DKK2: variants seen among roughly 807,000 people sequenced by gnomAD.
DKK2 encodes dickkopf Wnt signaling pathway inhibitor 2, also known as dickkopf-related protein 2.
In DKK2, 11 loss-of-function variants were observed where a neutral mutation model predicts 28.1. That is an observed-to-expected ratio of 0.39 (90% confidence interval 0.25 to 0.65). The LOEUF (loss-of-function observed/expected upper bound fraction) is 0.65. Ranked by LOEUF, DKK2 falls within the 30% of genes least tolerant of loss-of-function variation. The pLI is 0.47. For missense variants in DKK2, 326 were observed against 335.5 expected, an observed-to-expected ratio of 0.97 and a Z score of 0.22; for synonymous variants, 135 against 126.5, an observed-to-expected ratio of 1.07 and a Z score of -0.45.
At chr4:106,944,063 C>T (rs1724741503) in intron 1 of DKK2, among the ~76,000 whole-genome samples, 1 of 151,978 alleles carries the variant, frequency 6.6e-6, no homozygotes, top group African/African-American at 2.4e-5. Flanking sequence ...TGCAAAGGAT[C>T]AAGAATATAT....
At chr4:106,924,297 A>G in intron 3 of DKK2, 93 bp from the exon 4 acceptor site, 1 of 1,477,958 alleles carries the variant, frequency 6.8e-7, no homozygotes. Flanking sequence ...ATTTTTACTT[A>G]TACTATCTTC....
chr4:107,034,230 A>G (rs988965296), intron 1 of DKK2, among the ~76,000 whole-genome samples: 1 of 152,100 alleles, frequency 6.6e-6, no homozygotes, highest in African/African-American at 2.4e-5. Context: ...GGCGGAGGAC[A>G]CCGAGAGCGC....
Position 106,924,564 on chromosome 4 carries a change from A to T in DKK2, c.510T>A (p.Thr170=), listed in dbSNP as rs1724398565. ...CCCTACCTTTTATATGTGACATCTTAGTGTGTGGTCTTCCTAGATTCTGCC... is the reference window on the plus strand; with the variant it reads ...CCCTACCTTTTATATGTGACATCTTTGTGTGTGGTCTTCCTAGATTCTGCC... ...LGWQNLGRPH[T]KMSHIKGHEG... The change falls in exon 3 of 4, where the codon ACT becomes ACA. Residue 170 remains threonine, a synonymous_variant. Coordinates refer to ENST00000285311, the MANE Select transcript of DKK2 (RefSeq NM_014421.3). 6.2e-7 allele frequency: 1 copy of T among 1,613,604 alleles called. No homozygotes were observed.
intron 1 of DKK2, among the ~76,000 whole-genome samples, chr4:106,964,902 T>G (rs1405241856): frequency 6.6e-6 from 1 of 151,554 alleles, no homozygotes; most frequent in African/African-American, 2.4e-5. Flanking sequence ...AACAACATGA[T>G]AGATGATAGA....
intron 1 of DKK2, among the ~76,000 whole-genome samples, chr4:107,002,303 A>G (rs1723371158): frequency 6.6e-6 from 1 of 152,208 alleles, no homozygotes; most frequent in South Asian, 2.1e-4. Context: ...AACTCTAAGT[A>G]TTGATGATGT....
At chr4:106,983,325 A>G (rs368009419) in intron 1 of DKK2, among the ~76,000 whole-genome samples, 2 of 105,592 alleles carry the variant, frequency 1.9e-5, no homozygotes, top group African/African-American at 7.5e-5. Context: ...AAGAAGAAAG[A>G]AAGGAAGAAA....
chr4:106,968,731 C>G (rs1181820792), intron 1 of DKK2, among the ~76,000 whole-genome samples: 4 of 152,064 alleles, frequency 2.6e-5, no homozygotes, highest in African/African-American at 9.7e-5. Context: ...GCGTTCTGGA[C>G]AGTTTGGTTT....
At chr4:107,010,249 T>C (rs1723497952) in intron 1 of DKK2, among the ~76,000 whole-genome samples, 1 of 151,910 alleles carries the variant, frequency 6.6e-6, no homozygotes, top group East Asian at 1.9e-4. Context: ...AACTTAAAAC[T>C]ATAAAGTGTC....
intron 1 of DKK2, 58 bp from the exon 2 acceptor site, chr4:106,926,007 A>C (rs1724419787): frequency 6.6e-7 from 1 of 1,519,286 alleles, no homozygotes; most frequent in Non-Finnish European, 8.9e-7. Flanking sequence ...TCACTTATGA[A>C]ACATTACTAT....
intron 1 of DKK2, among the ~76,000 whole-genome samples, chr4:106,982,155 ATTATTTCGT>A (rs975525184): frequency 6.6e-6 from 1 of 152,174 alleles, no homozygotes; most frequent in Non-Finnish European, 1.5e-5. Flanking sequence ...CCACTCTGTG[ATTATTTCGT>A]TTATTTCGTT....
chr4:106,954,526 C>G (rs1398013972), intron 1 of DKK2, among the ~76,000 whole-genome samples: 6 of 151,680 alleles, frequency 4.0e-5, no homozygotes, highest in Admixed American at 4.0e-4. Context: ...CTTTTCTTTT[C>G]TTTTTTTTGT....
intron 1 of DKK2, among the ~76,000 whole-genome samples, chr4:106,996,839 C>A (rs1032013426): frequency 1.3e-5 from 2 of 152,232 alleles, no homozygotes; most frequent in South Asian, 4.1e-4. Context: ...TGACTGAAAA[C>A]ATTACTTACT....
chr4:107,002,642 AG>A (rs1723375947), intron 1 of DKK2, among the ~76,000 whole-genome samples: 1 of 152,226 alleles, frequency 6.6e-6, no homozygotes, highest in African/African-American at 2.4e-5. Flanking sequence ...TTGAGTCAAA[AG>A]TAAATTTGGT....
intron 1 of DKK2, among the ~76,000 whole-genome samples, chr4:106,963,166 A>G (rs1414198102): frequency 6.6e-6 from 1 of 152,042 alleles, no homozygotes; most frequent in Non-Finnish European, 1.5e-5. Context: ...CAGCCTGGCC[A>G]ACACAGTGAA....
At chr4:106,980,060 T>G (rs1386095665) in intron 1 of DKK2, among the ~76,000 whole-genome samples, 1 of 152,216 alleles carries the variant, frequency 6.6e-6, no homozygotes, top group Non-Finnish European at 1.5e-5. Context: ...TACTGAAAAC[T>G]TCTCTCAAAT....
At chr4:106,970,268 A>C (rs1722852031) in intron 1 of DKK2, among the ~76,000 whole-genome samples, 1 of 152,134 alleles carries the variant, frequency 6.6e-6, no homozygotes, top group Non-Finnish European at 1.5e-5. Flanking sequence ...AATTAAGGAG[A>C]TAGATAAGCA....
In DKK2 at chr4:106,923,995, A is replaced by T. The variant is rs1282726784; in HGVS notation, c.739T>A (p.Tyr247Asn). The part of the protein sequence containing the change: ...LSCKVWKDAT[Y>N]SSKARLHVCQ... ...ACATGGAGTCTGGCTTTGGAGGAGT[A>T]GGTGGCATCTTTCCATACTTTGCAA... Residue 247 changes from tyrosine to asparagine, a missense_variant, in exon 4 of 4, where the codon TAC becomes AAC. Transcript: ENST00000285311. The T allele has an allele frequency of 1.2e-6, 2 of 1,613,858 alleles. No homozygotes were observed. The highest frequency in any genetic ancestry group is 3.3e-5 in the Admixed American group (2 of 59,992).
At chr4:107,007,550 TG>T (rs1439869452) in intron 1 of DKK2, among the ~76,000 whole-genome samples, 1 of 152,126 alleles carries the variant, frequency 6.6e-6, no homozygotes, top group Non-Finnish European at 1.5e-5. Flanking sequence ...TTGGGTGTGA[TG>T]GTGCTACAGT....
At chr4:106,941,326 C>T (rs1269922436) in intron 1 of DKK2, among the ~76,000 whole-genome samples, 1 of 152,016 alleles carries the variant, frequency 6.6e-6, no homozygotes, top group Non-Finnish European at 1.5e-5. Flanking sequence ...GTTATATTTG[C>T]AACAGGATAA....
Sources: gnomAD v4.1 joint callset for allele counts (sites outside exome capture counted in the v4.1 genomes callset) on GRCh38, gnomAD v4.1.1 for gene constraint, MANE v1.5 for transcripts, NCBI Gene and HGNC (gene_info 2026-07-23, HGNC 2026-07-21) for gene names.